The following DGKK variants were observed in gnomAD, a reference collection of about 807,000 sequenced individuals.
The protein encoded by DGKK is diacylglycerol kinase kappa, also known as 142 kDa diacylglycerol kinase.
DGKK carries 35 observed loss-of-function variants against 92.2 expected under a neutral mutation model. The observed-to-expected ratio is 0.38, with a 90% CI of 0.29 to 0.50. The LOEUF is 0.50. Among genes scored for constraint, DGKK ranks in the 20% least tolerant of loss-of-function variants. The probability of loss-of-function intolerance (pLI) is 0.92; values close to 1 mark genes in which losing one functional copy is unlikely to be tolerated. For synonymous variants in DGKK, 368 were observed against 360.6 expected (o/e 1.02, Z -0.23); for missense variants, 910 against 992.2 (o/e 0.92, Z 1.11).
chrX:50,429,461 G>A (rs1412214133), intron 1 of DGKK, among the ~76,000 whole-genome samples: 1 of 111,860 alleles, frequency 8.9e-6, no homozygotes, highest in African/African-American at 3.2e-5. Flanking sequence ...CGAGGCGGGC[G>A]GATCACGAGG....
chrX:50,406,361 A>T (rs781952784), intron 4 of DGKK, among the ~76,000 whole-genome samples: 24 of 111,889 alleles, frequency 2.1e-4, no homozygotes, highest in Admixed American at 7.6e-4. Flanking sequence ...TGGCGATTGA[A>T]CTGTGTCCCC....
intron 1 of DGKK, among the ~76,000 whole-genome samples, chrX:50,461,857 A>T (rs1926753862): frequency 8.9e-6 from 1 of 111,807 alleles, no homozygotes; most frequent in South Asian, 3.7e-4. Context: ...TGATTTGCAA[A>T]TTTTATGGAT....
chrX:50,459,002 C>T (rs1557233084), intron 1 of DGKK, among the ~76,000 whole-genome samples: 2 of 111,508 alleles, frequency 1.8e-5, no homozygotes, highest in African/African-American at 6.5e-5. Context: ...TTCCCCTAAA[C>T]TTCTTACATC....
intron 1 of DGKK, among the ~76,000 whole-genome samples, chrX:50,466,010 C>CTTTTTTGTTTTTTTTTTTTTTTTT (rs1194066821): frequency 1.7e-5 from 1 of 58,337 alleles, no homozygotes; most frequent in African/African-American, 6.9e-5. Context: ...TTTTCTTTTT[C>CTTTTTTGTTTTTTTTTTTTTTTTT]TTTTTTCTTT....
Position 50,401,127 on chromosome X carries a change from A to G in DGKK, c.1321T>C (p.Cys441Arg). 8.3e-7 allele frequency: 1 copy of G among 1,197,956 alleles called. No homozygotes were observed. The highest frequency in any genetic ancestry group is 1.1e-6 in the Non-Finnish European group (1 of 887,845). The change falls in exon 8 of 28, where the codon TGT (cysteine) becomes CGT (arginine). Residue 441 changes from cysteine (C) to arginine (R), a missense_variant. Coordinates refer to ENST00000611977, the MANE Select transcript of DGKK (RefSeq NM_001013742.4). ...CATTCCTTGGAAAACCGTCTCCTAC[A>G]GTCATCATGCACCTGAAACGACAAG... ...LWCNSTVHDDCRRRFSKECCF... is the reference protein window; with the variant it reads ...LWCNSTVHDDRRRRFSKECCF...
At chrX:50,384,358 G>T (rs782340662) in intron 16 of DGKK, 94 bp from the exon 17 acceptor site, 1 of 561,061 alleles carries the variant, frequency 1.8e-6, no homozygotes, top group Non-Finnish European at 2.7e-6. Flanking sequence ...GTGGAGGCAG[G>T]GTCAAGCTCA....
At chrX:50,450,628 A>G (rs1250581295) in intron 1 of DGKK, among the ~76,000 whole-genome samples, 1 of 112,248 alleles carries the variant, frequency 8.9e-6, no homozygotes, top group East Asian at 2.8e-4. Context: ...TGTATACATG[A>G]CTATCCCTGG....
chrX:50,445,120 A>AC (rs1408836324), intron 1 of DGKK, among the ~76,000 whole-genome samples: 1 of 72,581 alleles, frequency 1.4e-5, no homozygotes, highest in Non-Finnish European at 2.6e-5. Flanking sequence ...TCCTTTGCCC[A>AC]CTTTTTTTTT....
Position 50,367,440 on chromosome X carries a change from C to T in DGKK, c.*1500G>A, listed in dbSNP as rs1176915172. 9.0e-6 allele frequency: 1 copy of T among 111,618 alleles called. No individual in the cohort carries two copies. Among genetic ancestry groups the T allele is most frequent in the Non-Finnish European group, 1.9e-5 (1 of 53,146 alleles). The allele number at this position is 111,618 out of a possible 1,213,427, so 9.2% of individuals were successfully genotyped here. ...TTCATGAGAAATTTGCAAGAAGAAC[C>T]ACAGGAAAGCACAGGCTTCTAGCCT... On this transcript the variant is annotated 3_prime_UTR_variant, in exon 28 of 28. Transcript: ENST00000611977.
chrX:50,462,817 A>T (rs1354567992), intron 1 of DGKK, among the ~76,000 whole-genome samples: 1 of 102,942 alleles, frequency 9.7e-6, no homozygotes. Flanking sequence ...TAAAAGAAAC[A>T]GTTTATTGGG....
At chrX:50,451,712 C>T (rs1934171) in intron 1 of DGKK, among the ~76,000 whole-genome samples, 49,680 of 109,978 alleles carry the variant, frequency 0.45, 9,653 homozygotes, top group African/African-American at 0.76. Flanking sequence ...CAAGAACTTA[C>T]TATGAAAAAA....
At chrX:50,373,267 C>T (rs1331295810) in intron 25 of DGKK, among the ~76,000 whole-genome samples, 3 of 111,974 alleles carry the variant, frequency 2.7e-5, no homozygotes, top group Admixed American at 9.5e-5. Context: ...CAAGCTGTAT[C>T]TCCATCTCAC....
chrX:50,393,064 C>T, intron 9 of DGKK, 88 bp downstream of exon 9: 2 of 797,478 alleles, frequency 2.5e-6, no homozygotes, highest in South Asian at 5.5e-5. Context: ...AATACAAGAA[C>T]TGATTCCAAG....
At chrX:50,447,378 TATATA>T (rs1557232061) in intron 1 of DGKK, among the ~76,000 whole-genome samples, 1,314 of 15,104 alleles carry the variant, frequency 0.087, 172 homozygotes, top group African/African-American at 0.33. Flanking sequence ...ATTATATATA[TATATA>T]ATATATATAT....
chrX:50,422,599 C>CAT (rs1925626654), intron 2 of DGKK, 73 bp from the exon 3 acceptor site: 1 of 194,083 alleles, frequency 5.2e-6, no homozygotes, highest in South Asian at 2.4e-4. Flanking sequence ...AAAAGGTAAA[C>CAT]ACACACACAC....
intron 1 of DGKK, among the ~76,000 whole-genome samples, chrX:50,444,637 G>A (rs1557231593): frequency 2.7e-5 from 3 of 111,129 alleles, no homozygotes; most frequent in African/African-American, 9.9e-5. Context: ...TCTTTTGTAT[G>A]GCTGCATAGT....
chrX:50,392,038 G>C (rs1205288916), intron 10 of DGKK, among the ~76,000 whole-genome samples: 2 of 96,972 alleles, frequency 2.1e-5, no homozygotes, highest in Non-Finnish European at 4.3e-5. Flanking sequence ...GGAAATTGGG[G>C]GTTGAGTGCT....
chrX:50,365,850 T>TA lies in DGKK; in HGVS notation c.*3089dup, dbSNP rs1557222447. On this transcript the variant is annotated 3_prime_UTR_variant, in exon 28 of 28. Coordinates refer to ENST00000611977, the MANE Select transcript of DGKK (RefSeq NM_001013742.4). ...TTCTTCTGGCCCAGTTTTATTAAGG[T>TA]AAAAAATCTCTTTCTTATTCTTAAC... The TA allele has an allele frequency of 9.0e-6, 1 of 111,624 alleles. No homozygotes were observed. Among genetic ancestry groups the TA allele is most frequent in the African/African-American group, 3.3e-5 (1 of 30,655 alleles). 9.2% of individuals were successfully genotyped at this position (111,624 alleles called of 1,213,427 possible).
intron 1 of DGKK, among the ~76,000 whole-genome samples, chrX:50,453,177 T>C (rs1248392179): frequency 2.7e-5 from 3 of 111,495 alleles, no homozygotes; most frequent in Non-Finnish European, 5.7e-5. Context: ...AGATCATTTC[T>C]AGGCTCAAAG....
Sources: allele counts gnomAD v4.1 joint callset (sites outside exome capture counted in the v4.1 genomes callset), GRCh38; gene constraint gnomAD v4.1.1; transcripts MANE v1.5; gene names NCBI Gene and HGNC (gene_info 2026-07-23, HGNC 2026-07-21).